The following NLGN1 variants were observed in gnomAD, a reference collection of about 807,000 sequenced individuals.
NLGN1 encodes the protein neuroligin-1.
NLGN1 carries 12 observed loss-of-function variants against 65.5 expected under a neutral mutation model. The observed-to-expected ratio is 0.18, with a 90% CI of 0.12 to 0.30. The LOEUF (loss-of-function observed/expected upper bound fraction) is 0.30. Ranked by LOEUF, NLGN1 falls within the 10% of genes least tolerant of loss-of-function variation. The pLI is 1.00. For missense variants in NLGN1, 750 were observed against 1,007.1 expected, an observed-to-expected ratio of 0.74 and a Z score of 3.46; for synonymous variants, 350 against 359.5, an observed-to-expected ratio of 0.97 and a Z score of 0.30.
At chr3:174,111,936 T>C in intron 4 of NLGN1, among the ~76,000 whole-genome samples, 1 of 151,944 alleles carries the variant, frequency 6.6e-6, no homozygotes, top group East Asian at 1.9e-4. Flanking sequence ...TATCGACTCT[T>C]GGATGTACCA....
chr3:174,212,668 A>G (rs1380524150), intron 4 of NLGN1, among the ~76,000 whole-genome samples: 1 of 152,250 alleles, frequency 6.6e-6, no homozygotes, highest in African/African-American at 2.4e-5. Context: ...TTAGTTTTCT[A>G]TAGCTGCTAC....
In NLGN1 at chr3:173,827,401, G is replaced by T. The variant is rs149668503; in HGVS notation, c.646+19569G>T. 2.2e-4 allele frequency among the ~76,000 whole-genome samples: 33 copies of T among 152,108 alleles called. No homozygotes were observed. In the South Asian group the frequency reaches 6.6e-3, roughly 31 times the overall value. On this transcript the variant is annotated intron_variant, in intron 4 of 6. Coordinates refer to ENST00000457714, the Ensembl canonical transcript of NLGN1. The stretch of plus-strand genomic sequence containing the variant: ...GAGATCAGAGAAAACTGTTCTCTTC[G>T]GAGAGAGGATGCCTGAGCTGGATTT...
intron 4 of NLGN1, among the ~76,000 whole-genome samples, chr3:174,252,284 G>T (rs2152843992): frequency 6.6e-6 from 1 of 152,168 alleles, no homozygotes; most frequent in Middle Eastern, 3.4e-3. Context: ...AACAGAGTAG[G>T]TAGTTTCAAT....
chr3:173,838,876 A>G (rs1192185726), intron 4 of NLGN1, among the ~76,000 whole-genome samples: 2 of 152,216 alleles, frequency 1.3e-5, no homozygotes, highest in African/African-American at 2.4e-5. Context: ...CAAGCAGTCT[A>G]CGTTTGACTG....
At chr3:173,915,360 T>C (rs1740522963) in intron 4 of NLGN1, among the ~76,000 whole-genome samples, 1 of 152,222 alleles carries the variant, frequency 6.6e-6, no homozygotes, top group African/African-American at 2.4e-5. Context: ...CAAATGGAGC[T>C]GTCTACAAGG....
chr3:173,420,484 A>G (rs982119788), intron 1 of NLGN1, among the ~76,000 whole-genome samples: 1 of 152,046 alleles, frequency 6.6e-6, no homozygotes, highest in Admixed American at 6.6e-5. Context: ...TCATTGTTGG[A>G]CATTTGGGTT....
chr3:173,954,798 G>A (rs1179577356), intron 4 of NLGN1, among the ~76,000 whole-genome samples: 1 of 151,964 alleles, frequency 6.6e-6, no homozygotes, highest in Non-Finnish European at 1.5e-5. Flanking sequence ...ATCTTAAATA[G>A]CAACATAAAC....
At chr3:174,039,678 C>T (rs561828740) in intron 4 of NLGN1, among the ~76,000 whole-genome samples, 106 of 152,118 alleles carry the variant, frequency 7.0e-4, no homozygotes, top group Non-Finnish European at 8.8e-4. Context: ...AAAATATATA[C>T]GCCTGAAAAG....
At chr3:173,441,502 C>T (rs1719196373) in intron 2 of NLGN1, among the ~76,000 whole-genome samples, 1 of 152,020 alleles carries the variant, frequency 6.6e-6, no homozygotes, top group South Asian at 2.1e-4. Context: ...TATTAATTGG[C>T]CTAGTTTCAG....
intron 4 of NLGN1, among the ~76,000 whole-genome samples, chr3:173,845,880 A>G (rs938551827): frequency 1.3e-5 from 2 of 152,018 alleles, no homozygotes; most frequent in African/African-American, 4.8e-5. Context: ...TTTTTTCGAT[A>G]TCATAGTATT....
chr3:173,926,623 GTTTC>G (rs889702907), intron 4 of NLGN1, among the ~76,000 whole-genome samples: 5 of 152,058 alleles, frequency 3.3e-5, no homozygotes, highest in Admixed American at 2.0e-4. Context: ...AGTGAATCTC[GTTTC>G]TTTTACCTCA....
chr3:173,604,591 G>A lies in NLGN1; in HGVS notation c.-8G>A, dbSNP rs1318237127. ...GTAACCAGACAACTAGACAACTAAT[G>A]TGGGACCATGGCACTGCCCAGATGC... On this transcript the variant is annotated 5_prime_UTR_variant, in exon 3 of 7. In the 5' UTR this introduces an upstream ATG that the reference lacks. Transcript: ENST00000457714. The A allele has an allele frequency of 1.2e-6, 2 of 1,612,508 alleles. No homozygotes were observed. The highest frequency in any genetic ancestry group is 1.7e-5 in the Admixed American group (1 of 59,974).
chr3:173,689,764 A>G (rs968261978), intron 3 of NLGN1, among the ~76,000 whole-genome samples: 1 of 152,148 alleles, frequency 6.6e-6, no homozygotes, highest in African/African-American at 2.4e-5. Context: ...GGTACCTTGG[A>G]TGAACTACAA....
At chr3:173,428,977 A>T (rs1320265244) in intron 1 of NLGN1, among the ~76,000 whole-genome samples, 1 of 152,020 alleles carries the variant, frequency 6.6e-6, no homozygotes, top group Admixed American at 6.6e-5. Context: ...GCTTTGGAGT[A>T]GTCTTATTTG....
intron 4 of NLGN1, among the ~76,000 whole-genome samples, chr3:174,131,691 C>G (rs990709001): frequency 6.6e-5 from 10 of 152,132 alleles, no homozygotes; most frequent in Non-Finnish European, 1.5e-4. Context: ...GGACTCAAAT[C>G]AGGACACTAC....
intron 4 of NLGN1, among the ~76,000 whole-genome samples, chr3:174,070,663 T>C (rs1320359786): frequency 7.2e-5 from 11 of 152,166 alleles, no homozygotes. Flanking sequence ...AAAGTTAACA[T>C]ATTAAATATT....
intron 4 of NLGN1, among the ~76,000 whole-genome samples, chr3:173,968,915 G>A (rs555890483): frequency 6.6e-6 from 1 of 151,400 alleles, no homozygotes; most frequent in African/African-American, 2.4e-5. Context: ...TGGCCAGGCT[G>A]GTCTCAAACT....
chr3:174,292,645 C>G, the NLGN1 span, among the ~76,000 whole-genome samples: 1 of 150,278 alleles, frequency 6.7e-6, no homozygotes, highest in African/African-American at 2.5e-5. Context: ...GCAAGGTAGC[C>G]AAATGGTAGA....
At chr3:173,682,877 A>T (rs184625562) in intron 3 of NLGN1, among the ~76,000 whole-genome samples, 1 of 152,210 alleles carries the variant, frequency 6.6e-6, no homozygotes, top group Non-Finnish European at 1.5e-5. Flanking sequence ...CCTGAGGTTC[A>T]TATCAAATTT....
Sources: gnomAD v4.1 joint callset for allele counts (sites outside exome capture counted in the v4.1 genomes callset) on GRCh38, gnomAD v4.1.1 for gene constraint, MANE v1.5 for transcripts, NCBI Gene and HGNC (gene_info 2026-07-23, HGNC 2026-07-21) for gene names.